The following PSD4 variants were observed in gnomAD, a reference collection of about 807,000 sequenced individuals.
The protein encoded by PSD4 is pleckstrin and Sec7 domain containing 4.
A neutral mutation model predicts 112.5 loss-of-function variants in PSD4; 59 were observed. That is an observed-to-expected ratio of 0.52 (90% CI 0.43 to 0.65). The LOEUF is 0.65. Among genes scored for constraint, PSD4 ranks in the 30% least tolerant of loss-of-function variants. The pLI, the probability that PSD4 is intolerant of heterozygous loss-of-function variation, is 0.00. For synonymous variants in PSD4, 533 were observed against 540.0 expected (o/e 0.99, Z 0.18); for missense variants, 1,267 against 1,352.6 (o/e 0.94, Z 0.99).
chr2:113,178,529 A>G (rs45491191), intron 1 of PSD4, among the ~76,000 whole-genome samples: 13,483 of 151,594 alleles, frequency 0.089, 731 homozygotes, highest in Middle Eastern at 0.18. Context: ...GTGTACCTAG[A>G]GGGCTGCTTT....
At chr2:113,199,035 G>A (rs1411409086) in intron 15 of PSD4, 48 bp from the exon 16 acceptor site, 1 of 1,513,216 alleles carries the variant, frequency 6.6e-7, no homozygotes, top group Non-Finnish European at 8.8e-7. Context: ...CCGGAAAGCG[G>A]CGGAGGGGAC....
chr2:113,205,796 A>T lies in PSD4; in HGVS notation c.*4381A>T, dbSNP rs1573385876. 6.6e-6 allele frequency: 1 copy of T among 152,190 alleles called. No individual in the cohort carries two copies. The highest frequency in any genetic ancestry group is 1.5e-5 in the Non-Finnish European group (1 of 68,042). 9.4% of individuals were successfully genotyped at this position (152,190 alleles called of 1,614,324 possible). ...GGCAATATCCCAGAACCTTGTGAAA[A>T]CCTGGCCGTAGCAGGTCCTTTTTCC... On this transcript the variant is annotated 3_prime_UTR_variant, in exon 17 of 17. Transcript: ENST00000245796.
chr2:113,174,456 C>T (rs1013264299), intron 1 of PSD4, among the ~76,000 whole-genome samples: 1 of 152,142 alleles, frequency 6.6e-6, no homozygotes, highest in African/African-American at 2.4e-5. Flanking sequence ...GGCTGAGTAC[C>T]CAGTGGGGGC....
chr2:113,176,420 A>G (rs1453569509), intron 1 of PSD4, among the ~76,000 whole-genome samples: 2 of 152,200 alleles, frequency 1.3e-5, no homozygotes, highest in African/African-American at 4.8e-5. Context: ...CATGAGAAAC[A>G]TACACCCCCT....
Position 113,182,628 on chromosome 2 carries a change from C to G in PSD4, c.172C>G (p.Pro58Ala). The change falls in exon 2 of 17, where the codon CCT becomes GCT. Residue 58 changes from proline (P) to alanine (A), a missense_variant. Physicochemically the swap from Pro to Ala is conservative, Grantham distance 27 (BLOSUM62 -1). Coordinates refer to ENST00000245796, the MANE Select transcript of PSD4 (RefSeq NM_012455.3). Reference sequence around the variant, plus strand: ...AACCTGGGCCACTGACCCTCCTGAACCTACCAGACAAAATGTTCCTCCCTG... The same window carrying G: ...AACCTGGGCCACTGACCCTCCTGAAGCTACCAGACAAAATGTTCCTCCCTG... ...EQTWATDPPE[P>A]TRQNVPPWGS... 3 of 1,613,558 alleles carry G rather than the reference C, an allele frequency of 1.9e-6. No homozygotes were observed. Among genetic ancestry groups the G allele is most frequent in the Non-Finnish European group, 2.5e-6 (3 of 1,179,804 alleles).
chr2:113,179,269 G>A (rs1688059712), intron 1 of PSD4, among the ~76,000 whole-genome samples: 1 of 152,214 alleles, frequency 6.6e-6, no homozygotes, highest in Non-Finnish European at 1.5e-5. Context: ...ATGGGCAGCT[G>A]CATGGGGAGC....
Position 113,201,379 on chromosome 2 carries a change from G to C in PSD4, c.3135G>C (p.Arg1045=), listed in dbSNP as rs755392224. ...KRNISERRTY[R]KIIPKRNRNQ... ...ACATCTCAGAGCGCAGAACCTACCG[G>C]AAGATCATCCCTAAGCGGAACCGCA... is the stretch of plus-strand genomic sequence containing the variant. Residue 1045 remains arginine, a synonymous_variant, in exon 17 of 17, where the codon CGG becomes CGC. Transcript: ENST00000245796. The C allele has an allele frequency of 1.2e-6, 2 of 1,614,124 alleles. No homozygotes were observed. The highest frequency in any genetic ancestry group is 3.3e-5 in the Admixed American group (2 of 60,026).
At chr2:113,176,999 A>G (rs914679834) in intron 1 of PSD4, among the ~76,000 whole-genome samples, 1 of 152,220 alleles carries the variant, frequency 6.6e-6, no homozygotes, top group African/African-American at 2.4e-5. Flanking sequence ...CAGAAGGAAG[A>G]CATCTTTTAA....
chr2:113,198,897 G>C lies in PSD4; in HGVS notation c.2769+13G>C, dbSNP rs761265719. The C allele has an allele frequency of 1.8e-5, 29 of 1,568,660 alleles. No individual in the cohort carries two copies. The Admixed American group carries it at 5.3e-4, about 29-fold the overall frequency. ...CCAGAGCTCCCTGGTACGGCCTCCG[G>C]GAAGGGGTGGGGTCCGGCGGAACTG... On this transcript the variant is annotated intron_variant, in intron 15 of 16. Transcript: ENST00000245796.
At chr2:113,196,042 T>G in intron 11 of PSD4, 105 bp from the exon 12 acceptor site, 2 of 1,410,464 alleles carry the variant, frequency 1.4e-6, no homozygotes, top group Non-Finnish European at 2.0e-6. Flanking sequence ...TCCTGGGGTG[T>G]GGCTTCCCAG....
Position 113,201,591 on chromosome 2 carries a change from C to A in PSD4, c.*176C>A. 2 of 915,472 alleles carry A rather than the reference C, an allele frequency of 2.2e-6. No individual in the cohort carries two copies. The highest frequency in any genetic ancestry group is 3.2e-6 in the Non-Finnish European group (2 of 620,602). The allele number at this position is 915,472 out of a possible 1,614,324, so 56.7% of individuals were successfully genotyped here. A position where few individuals can be genotyped will look rare whatever the true frequency, so the allele number is the denominator to read the frequency against. On this transcript the variant is annotated 3_prime_UTR_variant, in exon 17 of 17. Coordinates refer to ENST00000245796, the MANE Select transcript of PSD4 (RefSeq NM_012455.3). ...CATTCTTGTGCTCCCTGAAGCTTTC[C>A]TAATATTGCTGTGCTCCCCACCACC...
At position 113,203,478 on chromosome 2, in the gene PSD4, ATG is replaced by A. The variant is rs1688819352; in HGVS notation, c.*2064_*2065del. The A allele has an allele frequency of 6.6e-6, 1 of 150,426 alleles. No homozygotes were observed. Among genetic ancestry groups the A allele is most frequent in the Non-Finnish European group, 1.5e-5 (1 of 67,834 alleles). The allele number at this position is 150,426 out of a possible 1,614,324, so 9.3% of individuals were successfully genotyped here. A position where few individuals can be genotyped will look rare whatever the true frequency, so the allele number is the denominator to read the frequency against. ...AGTGGAATCCCAGCATCAAGTGGACATGACTTTTGGCCCAAGACTGATGCTTA... is the reference window on the plus strand; with the variant it reads ...AGTGGAATCCCAGCATCAAGTGGACAACTTTTGGCCCAAGACTGATGCTTA... On this transcript the variant is annotated 3_prime_UTR_variant, in exon 17 of 17. Transcript: ENST00000245796.
In PSD4 at chr2:113,201,547, C is replaced by A. The variant is rs749123547; in HGVS notation, c.*132C>A. The A allele has an allele frequency of 2.3e-5, 30 of 1,283,894 alleles. No individual in the cohort carries two copies. Among genetic ancestry groups the A allele is most frequent in the Middle Eastern group, 3.9e-4 (2 of 5,190 alleles). 79.5% of individuals were successfully genotyped at this position (1,283,894 alleles called of 1,614,324 possible). ...CTCCTTTCCCTGCTGAAGGACAAAC[C>A]TTGTTTCCCTGTGGCCCTCATTCTT... On this transcript the variant is annotated 3_prime_UTR_variant, in exon 17 of 17. Transcript: ENST00000245796.
rs947631957 is a variant in PSD4 at position 113,182,659 on chromosome 2, C to T, written c.203C>T (p.Ser68Phe). The T allele has an allele frequency of 1.2e-6, 2 of 1,613,676 alleles. No individual in the cohort carries two copies. The highest frequency in any genetic ancestry group is 2.2e-5 in the South Asian group (2 of 91,028). ...AGACAAAATGTTCCTCCCTGGGGCT[C>T]CGGTGTGGAGCTCACACACCTGGGG... ...PTRQNVPPWG[S>F]GVELTHLGSW... The change falls in exon 2 of 17, where the codon TCC (serine) becomes TTC (phenylalanine). Residue 68 changes from serine to phenylalanine, a missense_variant. Physicochemically the swap from Ser to Phe is radical, Grantham distance 155. This residue lies in a region of PSD4 where 723 missense variants were observed against 704.0 expected (regional missense o/e 1.03). Transcript: ENST00000245796.
At position 113,182,825 on chromosome 2, in the gene PSD4, G is replaced by A; in HGVS notation, c.369G>A (p.Arg123=). ...LTHLGSPSAQ[R]EHRQNTASPG... ...ACCTGGGGAGCCCCTCTGCCCAGAG[G>A]GAGCACAGGCAGAACACAGCATCAC... Residue 123 remains arginine (R), a synonymous_variant, in exon 2 of 17, where the codon AGG becomes AGA. Transcript: ENST00000245796. 6.2e-7 allele frequency: 1 copy of A among 1,612,358 alleles called. No homozygotes were observed. Among genetic ancestry groups the A allele is most frequent in the Non-Finnish European group, 8.5e-7 (1 of 1,178,824 alleles).
chr2:113,198,843 G>T lies in PSD4; in HGVS notation c.2728G>T (p.Val910Leu). 6.3e-7 allele frequency: 1 copy of T among 1,598,774 alleles called. No homozygotes were observed. Residue 910 changes from valine to leucine, a missense_variant, in exon 15 of 17, where the codon GTG (valine) becomes TTG (leucine). Around this residue, in one of 2 missense-constraint regions of PSD4, gnomAD observed 544 missense variants for 648.6 expected, o/e 0.84. Transcript: ENST00000245796. ...CGCTGTGGGCTCCCAGCGCAGATTC[G>T]TGCGGCCCATCCTGCCCGTGGGCCC... ...PAAVGSQRRF[V>L]RPILPVGPAQ...
intron 2 of PSD4, among the ~76,000 whole-genome samples, chr2:113,184,071 A>T (rs1437161457): frequency 2.6e-5 from 4 of 152,214 alleles, no homozygotes; most frequent in African/African-American, 9.6e-5. Flanking sequence ...GAGATTCTTA[A>T]TATCAACTAA....
chr2:113,196,614 T>G, intron 12 of PSD4: 3 of 293,918 alleles, frequency 1.0e-5, no homozygotes, highest in Non-Finnish European at 1.9e-5. Flanking sequence ...AAGAGCTGAG[T>G]GTCTAGGGGC....
intron 12 of PSD4, chr2:113,196,524 T>G: frequency 1.9e-6 from 1 of 513,464 alleles, no homozygotes; most frequent in Non-Finnish European, 3.4e-6. Context: ...AAAACAGGCC[T>G]AGTTATTCCT....
Sources: allele counts gnomAD v4.1 joint callset (sites outside exome capture counted in the v4.1 genomes callset), GRCh38; gene constraint gnomAD v4.1.1; regional missense constraint gnomAD v4.1.1; transcripts MANE v1.5; gene names NCBI Gene and HGNC (gene_info 2026-07-23, HGNC 2026-07-21).